The following SLC35F3 variants were observed in gnomAD, a reference collection of about 807,000 sequenced individuals.
SLC35F3 encodes putative thiamine transporter SLC35F3.
In SLC35F3, 25 loss-of-function variants were observed where a neutral mutation model predicts 49.9. The observed-to-expected ratio is 0.50, with a 90% CI of 0.37 to 0.70. SLC35F3 has a LOEUF of 0.70. SLC35F3 is among the 30% of genes least tolerant of loss of function. SLC35F3 has a pLI of 0.00. For missense variants in SLC35F3, 525 were observed against 639.8 expected, an observed-to-expected ratio of 0.82 and a Z score of 1.94; for synonymous variants, 275 against 265.4, an observed-to-expected ratio of 1.04 and a Z score of -0.35.
chr1:234,249,537 G>A (rs189174884), intron 3 of SLC35F3, among the ~76,000 whole-genome samples: 4 of 152,306 alleles, frequency 2.6e-5, no homozygotes, highest in African/African-American at 9.6e-5. Context: ...AAGTACATCT[G>A]GAGGAGAGGG....
chr1:233,959,284 G>A (rs913310607), intron 2 of SLC35F3, among the ~76,000 whole-genome samples: 3 of 151,898 alleles, frequency 2.0e-5, no homozygotes, highest in Admixed American at 2.0e-4. Context: ...CTTATCTGCA[G>A]TTCCAGCAAT....
At chr1:234,301,547 GC>G (rs1398854167) in intron 3 of SLC35F3, among the ~76,000 whole-genome samples, 11 of 152,214 alleles carry the variant, frequency 7.2e-5, no homozygotes, top group African/African-American at 2.2e-4. Flanking sequence ...AACAGTAGAT[GC>G]TGGTGAGGCT....
rs565306444 is a variant in SLC35F3 at position 234,034,154 on chromosome 1, C to T, written c.283+128396C>T. Among the ~76,000 whole-genome samples the T allele has an allele frequency of 8.5e-5, 13 of 152,334 alleles. No individual in the cohort carries two copies. The South Asian group carries it at 2.5e-3, about 29-fold the overall frequency. ...GTTGAGTTCTTGATTTGATTCTCAG[C>T]TTGGTCGCTGTTGATGTTTAGCAGT... On this transcript the variant is annotated intron_variant, in intron 2 of 7. Transcript: ENST00000366618.
At chr1:234,265,733 C>G (rs530582356) in intron 3 of SLC35F3, among the ~76,000 whole-genome samples, 2 of 152,260 alleles carry the variant, frequency 1.3e-5, no homozygotes, top group East Asian at 3.9e-4. Context: ...TCCTGTCACT[C>G]CCCTACTCAA....
chr1:234,121,096 G>T (rs1478406724), intron 2 of SLC35F3, among the ~76,000 whole-genome samples: 1 of 144,662 alleles, frequency 6.9e-6, no homozygotes, highest in Non-Finnish European at 1.5e-5. Context: ...CTGAGTTCTG[G>T]TCATTTTATT....
At chr1:234,030,111 T>G (rs1477575316) in intron 2 of SLC35F3, among the ~76,000 whole-genome samples, 1 of 152,236 alleles carries the variant, frequency 6.6e-6, no homozygotes, top group East Asian at 1.9e-4. Context: ...TGAAATATGA[T>G]TCACTCAGAC....
intron 2 of SLC35F3, among the ~76,000 whole-genome samples, chr1:234,081,154 A>G (rs753051786): frequency 6.6e-6 from 1 of 152,150 alleles, no homozygotes; most frequent in African/African-American, 2.4e-5. Flanking sequence ...TGAATCCTAC[A>G]TGAACCCATG....
chr1:234,144,255 T>G (rs975899862), intron 2 of SLC35F3, among the ~76,000 whole-genome samples: 1 of 152,130 alleles, frequency 6.6e-6, no homozygotes, highest in African/African-American at 2.4e-5. Flanking sequence ...GCCTGTTGAG[T>G]GTCGGTGCTC....
At chr1:233,938,535 A>C (rs1035585056) in intron 2 of SLC35F3, among the ~76,000 whole-genome samples, 1 of 152,200 alleles carries the variant, frequency 6.6e-6, no homozygotes, top group Non-Finnish European at 1.5e-5. Flanking sequence ...CTAGAGAACA[A>C]CACAAGGGTC....
At chr1:234,108,472 GATAT>G (rs1412878975) in intron 2 of SLC35F3, among the ~76,000 whole-genome samples, 1 of 69,032 alleles carries the variant, frequency 1.4e-5, no homozygotes, top group African/African-American at 4.4e-5. Context: ...ATATATAAAA[GATAT>G]ATATATAAAA....
chr1:233,945,264 C>T (rs951450928), intron 2 of SLC35F3, among the ~76,000 whole-genome samples: 2 of 152,116 alleles, frequency 1.3e-5, no homozygotes, highest in East Asian at 1.9e-4. Context: ...GAAGGCCAGG[C>T]GGCATGCAGC....
At chr1:234,095,600 A>G (rs1665104126) in intron 2 of SLC35F3, among the ~76,000 whole-genome samples, 1 of 152,186 alleles carries the variant, frequency 6.6e-6, no homozygotes. Context: ...ACTTTCTTAG[A>G]CATTTTATTT....
In SLC35F3 at chr1:234,323,737, T is replaced by G. The variant is rs778154271; in HGVS notation, c.*494T>G. 6.3e-6 allele frequency: 1 copy of G among 158,662 alleles called. No individual in the cohort carries two copies. The highest frequency in any genetic ancestry group is 1.4e-5 in the Non-Finnish European group (1 of 71,884). 9.8% of individuals were successfully genotyped at this position (158,662 alleles called of 1,614,324 possible). On this transcript the variant is annotated 3_prime_UTR_variant, in exon 8 of 8. Transcript: ENST00000366618. The surrounding 1 kb of genome is among the most constrained non-coding windows in gnomAD (Gnocchi z 4.5). ...TTATTTGGATGGATGGATGGAGGGA[T>G]GGAAGGAGGGAGGGAAGGATGTCTG... is the stretch of plus-strand genomic sequence containing the variant.
chr1:234,258,943 G>A (rs1395738445), intron 3 of SLC35F3, among the ~76,000 whole-genome samples: 1 of 152,220 alleles, frequency 6.6e-6, no homozygotes, highest in East Asian at 1.9e-4. Flanking sequence ...AGTATGTCCT[G>A]TTCTGAGCTC....
At chr1:234,173,401 C>A (rs564156035) in intron 2 of SLC35F3, among the ~76,000 whole-genome samples, 158 of 152,322 alleles carry the variant, frequency 1.0e-3, no homozygotes, top group African/African-American at 2.9e-3. Flanking sequence ...AAGTGGCTTA[C>A]CCAGAATCAC....
chr1:234,143,050 C>T (rs964779395), intron 2 of SLC35F3, among the ~76,000 whole-genome samples: 1 of 152,120 alleles, frequency 6.6e-6, no homozygotes, highest in Non-Finnish European at 1.5e-5. Flanking sequence ...TTCTTATGGT[C>T]AGAGCACCTA....
In SLC35F3 at chr1:234,311,342, G is replaced by T. The variant is rs189359368; in HGVS notation, c.828+2022G>T. On this transcript the variant is annotated intron_variant, in intron 4 of 7. Transcript: ENST00000366618. ...AGTTCCAAGATAATATCTAACTGGT[G>T]CATGGGACCGCTCAGACTTCACTCA... Among the ~76,000 whole-genome samples the T allele has an allele frequency of 4.5e-4, 69 of 152,324 alleles. 1 individual carries two copies. Among genetic ancestry groups the T allele is most frequent in the Admixed American group, 4.1e-3 (63 of 15,302 alleles).
intron 3 of SLC35F3, among the ~76,000 whole-genome samples, chr1:234,262,073 T>C (rs1361280737): frequency 1.3e-5 from 2 of 152,188 alleles, no homozygotes; most frequent in Non-Finnish European, 2.9e-5. Flanking sequence ...ACTGAGCACT[T>C]ACAATGTGCC....
rs149987494 is a variant in SLC35F3, at chr1:234,202,173, T to C, written c.284-29244T>C. 2.6e-5 allele frequency among the ~76,000 whole-genome samples: 4 copies of C among 152,294 alleles called. No individual in the cohort carries two copies. The East Asian group carries it at 7.7e-4, about 29-fold the overall frequency. ...GGAACAGAAAACCAAACACCACATG[T>C]TTCACTTATAAGTCGGAACTGAATG... On this transcript the variant is annotated intron_variant, in intron 2 of 7. Transcript: ENST00000366618.
Sources: allele counts gnomAD v4.1 joint callset (sites outside exome capture counted in the v4.1 genomes callset), GRCh38; gene constraint gnomAD v4.1.1; non-coding constraint Gnocchi (gnomAD v3.1); transcripts MANE v1.5; gene names NCBI Gene and HGNC (gene_info 2026-07-23, HGNC 2026-07-21).